PCDHA4: variants seen among roughly 807,000 people sequenced by gnomAD.
PCDHA4 encodes protocadherin alpha 4.
In PCDHA4, 49 loss-of-function variants were observed where a neutral mutation model predicts 61.4. The ratio of observed to expected loss-of-function variants is 0.80; its 90% confidence interval spans 0.63 to 1.01. The LOEUF (loss-of-function observed/expected upper bound fraction) is 1.01, where lower values mean the gene tolerates loss of function less well. Ranked by LOEUF, PCDHA4 falls within the 50% of genes least tolerant of loss-of-function variation. The pLI is 0.00. For synonymous variants in PCDHA4, 590 were observed against 550.3 expected (o/e 1.07, Z -1.01); for missense variants, 1,254 against 1,235.8 (o/e 1.01, Z -0.22).
Position 140,939,111 on chromosome 5 carries a change from T to G in PCDHA4, c.2386-39838T>G, listed in dbSNP as rs141486595. Reference sequence around the variant, plus strand: ...CTTAAAAACAATAGAAATTTATTTTTCACAATTCTGGAAGCTGGAAAGTTG... The same window carrying G: ...CTTAAAAACAATAGAAATTTATTTTGCACAATTCTGGAAGCTGGAAAGTTG... On this transcript the variant is annotated intron_variant, in intron 1 of 3. Coordinates refer to ENST00000530339, the MANE Select transcript of PCDHA4 (RefSeq NM_018907.4). Among the ~76,000 whole-genome samples, 62 of 152,324 alleles carry G rather than the reference T, an allele frequency of 4.1e-4. No homozygotes were observed. The East Asian group carries it at 0.01, about 25-fold the overall frequency.
chr5:140,869,577 T>C, intron 1 of PCDHA4: 2 of 1,614,188 alleles, frequency 1.2e-6, no homozygotes, highest in Non-Finnish European at 8.5e-7. Context: ...AGGGAGCTTC[T>C]GATGCTGACA....
chr5:140,968,208 AC>A, intron 1 of PCDHA4: 1 of 1,614,022 alleles, frequency 6.2e-7, no homozygotes, highest in Non-Finnish European at 8.5e-7. Context: ...ATACAGGAGA[AC>A]AATTTGCCAG....
At position 141,010,191 on chromosome 5, in the gene PCDHA4, C is replaced by T; in HGVS notation, c.*254C>T. 1 of 1,552,476 alleles carries T rather than the reference C, an allele frequency of 6.4e-7. No homozygotes were observed. The highest frequency in any genetic ancestry group is 1.4e-5 in the African/African-American group (1 of 73,166). ...AACCTAAAAAGCAGACCCAAGTTTCCTTTCTCCTCCGCCGCAAAGGAGAGG... is the reference window on the plus strand; with the variant it reads ...AACCTAAAAAGCAGACCCAAGTTTCTTTTCTCCTCCGCCGCAAAGGAGAGG... On this transcript the variant is annotated 3_prime_UTR_variant, in exon 4 of 4. Transcript: ENST00000530339.
intron 1 of PCDHA4, chr5:140,967,903 A>C: frequency 6.2e-7 from 1 of 1,614,112 alleles, no homozygotes; most frequent in Non-Finnish European, 8.5e-7. Flanking sequence ...AGAATGCTAC[A>C]CCCAACACCA....
At chr5:140,912,220 C>T (rs1360868463) in intron 1 of PCDHA4, among the ~76,000 whole-genome samples, 1 of 151,800 alleles carries the variant, frequency 6.6e-6, no homozygotes, top group African/African-American at 2.4e-5. Flanking sequence ...ATCTGCCTTT[C>T]CCAGTCCACT....
intron 1 of PCDHA4, among the ~76,000 whole-genome samples, chr5:140,935,416 A>G (rs35902736): frequency 0.059 from 8,919 of 152,326 alleles, 374 homozygotes; most frequent in Non-Finnish European, 0.083. Context: ...ATGGACTTAG[A>G]AAACAATTTC....
At position 140,828,002 on chromosome 5, in the gene PCDHA4, G is replaced by A. The variant is rs2150150131; in HGVS notation, c.2385+18430G>A. 1.2e-5 allele frequency: 18 copies of A among 1,499,082 alleles called. No individual in the cohort carries two copies. In the African/African-American group the frequency reaches 1.5e-4, roughly 13 times the overall value. 92.9% of individuals were successfully genotyped at this position (1,499,082 alleles called of 1,614,324 possible). ...TGACTGTTGAATGATGGCGGACGCAGAAGAAATGGATTAATAAATTCCGGA... is the reference window on the plus strand; with the variant it reads ...TGACTGTTGAATGATGGCGGACGCAAAAGAAATGGATTAATAAATTCCGGA... On this transcript the variant is annotated intron_variant, in intron 1 of 3. Transcript: ENST00000530339.
chr5:140,867,666 C>T (rs2050094280), intron 1 of PCDHA4: 1 of 152,038 alleles, frequency 6.6e-6, no homozygotes, highest in Non-Finnish European at 1.5e-5. Context: ...ACTTTCTACT[C>T]TAAAATTTTG....
At chr5:140,848,291 G>A (rs2150408103) in intron 1 of PCDHA4, 336,332 of 624,962 alleles carry the variant, frequency 0.54, 101,055 homozygotes, top group South Asian at 0.62. Context: ...TACACTTTGG[G>A]CCACGTGATG....
chr5:140,968,312 C>A, intron 1 of PCDHA4: 2 of 1,613,960 alleles, frequency 1.2e-6, no homozygotes, highest in Non-Finnish European at 1.7e-6. Context: ...GATTCAAGGG[C>A]TGCCAGTCAC....
intron 1 of PCDHA4, among the ~76,000 whole-genome samples, chr5:140,944,359 T>C (rs1248806355): frequency 6.6e-6 from 1 of 152,092 alleles, no homozygotes; most frequent in African/African-American, 2.4e-5. Context: ...GGCTAATTTT[T>C]AATTTTTTAT....
At chr5:140,823,311 G>T (rs2150124582) in intron 1 of PCDHA4, 1 of 1,612,350 alleles carries the variant, frequency 6.2e-7, no homozygotes, top group South Asian at 1.1e-5. Flanking sequence ...TGCACGCGGA[G>T]AGCGGCAAGG....
chr5:140,864,875 T>G (rs1554159183), intron 1 of PCDHA4: 1 of 152,186 alleles, frequency 6.6e-6, no homozygotes, highest in Non-Finnish European at 1.5e-5. Context: ...TACCATTGTC[T>G]GTGTTCATTA....
At chr5:140,875,987 TAA>T (rs781909320) in intron 1 of PCDHA4, 4 of 1,613,914 alleles carry the variant, frequency 2.5e-6, no homozygotes, top group Admixed American at 1.7e-5. Context: ...ACCTATGCGT[TAA>T]GTCTAAATGA....
At chr5:140,823,295 T>G in intron 1 of PCDHA4, 3 of 1,612,260 alleles carry the variant, frequency 1.9e-6, no homozygotes, top group Non-Finnish European at 2.5e-6. Flanking sequence ...TCGAGTTACG[T>G]TTCGGTGCAC....
rs1203215461 is a variant in PCDHA4 at position 140,841,541 on chromosome 5, C to A, written c.2385+31969C>A. The stretch of plus-strand genomic sequence containing the variant: ...GGTGGCGTCCAAAAGACACCGGGAC[C>A]TTCTGGAGGTAAGTCTGCAGAATGG... On this transcript the variant is annotated intron_variant, in intron 1 of 3. Transcript: ENST00000530339. 1 of 1,613,604 alleles carries A rather than the reference C, an allele frequency of 6.2e-7. No individual in the cohort carries two copies. The highest frequency in any genetic ancestry group is 8.5e-7 in the Non-Finnish European group (1 of 1,180,002).
intron 1 of PCDHA4, chr5:140,875,904 A>G: frequency 1.9e-6 from 3 of 1,614,194 alleles, no homozygotes; most frequent in Non-Finnish European, 2.5e-6. Context: ...CTGTTTCTGA[A>G]TCTGCGCCTC....
intron 1 of PCDHA4, chr5:140,967,227 A>G (rs1586199202): frequency 1.2e-6 from 2 of 1,613,742 alleles, no homozygotes; most frequent in Admixed American, 1.7e-5. Flanking sequence ...CCCAACTACC[A>G]GCTTCAGGTA....
At chr5:140,974,779 C>T (rs950634910) in intron 1 of PCDHA4, among the ~76,000 whole-genome samples, 1 of 152,160 alleles carries the variant, frequency 6.6e-6, no homozygotes, top group African/African-American at 2.4e-5. Context: ...TGAGCCACTG[C>T]GCCCAGCCCT....
Sources: allele counts gnomAD v4.1 joint callset (sites outside exome capture counted in the v4.1 genomes callset), GRCh38; gene constraint gnomAD v4.1.1; transcripts MANE v1.5; gene names NCBI Gene and HGNC (gene_info 2026-07-23, HGNC 2026-07-21).